Variants in FMNL2 observed in about 807,000 individuals in gnomAD.
The protein encoded by FMNL2 is formin-like protein 2.
In FMNL2, 51 loss-of-function variants were observed where a neutral mutation model predicts 130.2. The ratio of observed to expected loss-of-function variants is 0.39; its 90% CI spans 0.31 to 0.49. The LOEUF is 0.49. FMNL2 is among the 20% of genes least tolerant of loss of function. FMNL2 has a pLI of 0.85. For synonymous variants in FMNL2, 465 were observed against 467.1 expected (o/e 1.00, Z 0.06); for missense variants, 977 against 1,316.2 (o/e 0.74, Z 3.99).
At position 152,626,516 on chromosome 2, in the gene FMNL2, C is replaced by G; in HGVS notation, c.1963-9C>G. The G allele has an allele frequency of 6.3e-7, 1 of 1,590,200 alleles. No homozygotes were observed. Among genetic ancestry groups the G allele is most frequent in the South Asian group, 1.1e-5 (1 of 87,082 alleles). On this transcript the variant is annotated splice_polypyrimidine_tract_variant and intron_variant, in intron 16 of 25. Coordinates refer to ENST00000288670, the MANE Select transcript of FMNL2 (RefSeq NM_052905.4). ...TCCAATTTTCCATGGTCATTCCTCT[C>G]TATCTTAGGATTTAAATGTGGATGA... is the stretch of plus-strand genomic sequence containing the variant.
At position 152,560,894 on chromosome 2, in the gene FMNL2, A is replaced by C. The variant is rs760384643; in HGVS notation, c.455A>C (p.Glu152Ala). Residue 152 changes from glutamate to alanine, a missense_variant, in exon 6 of 26, where the codon GAA (glutamate) becomes GCA (alanine). Glu to Ala is a moderately radical substitution (Grantham distance 107). Coordinates refer to ENST00000288670, the MANE Select transcript of FMNL2 (RefSeq NM_052905.4). ...FAQYAVTFDFESVESTVESSV... is the reference protein window; with the variant it reads ...FAQYAVTFDFASVESTVESSV... Reference sequence around the variant, plus strand: ...CTCTTTTGTTTTAGTTTTGACTTTGAAAGTGTGGAGAGTACTGTGGAGAGC... The same window carrying C: ...CTCTTTTGTTTTAGTTTTGACTTTGCAAGTGTGGAGAGTACTGTGGAGAGC... 4.4e-6 allele frequency: 7 copies of C among 1,608,050 alleles called. No individual in the cohort carries two copies. In the African/African-American group the frequency reaches 8.0e-5, roughly 18 times the overall value.
chr2:152,433,075 A>G (rs1687581728), intron 1 of FMNL2, among the ~76,000 whole-genome samples: 1 of 152,190 alleles, frequency 6.6e-6, no homozygotes. Flanking sequence ...GTCATTTCCC[A>G]GAACTGATCC....
chr2:152,353,967 G>T (rs1033915948), intron 1 of FMNL2, among the ~76,000 whole-genome samples: 1 of 152,160 alleles, frequency 6.6e-6, no homozygotes, highest in South Asian at 2.1e-4. Flanking sequence ...CCATAAGATT[G>T]TACCTACTGA....
chr2:152,365,601 A>G (rs1354398434), intron 1 of FMNL2, among the ~76,000 whole-genome samples: 1 of 152,020 alleles, frequency 6.6e-6, no homozygotes, highest in Admixed American at 6.5e-5. Context: ...GTGAAACCCC[A>G]TCTCTACAAC....
intron 1 of FMNL2, among the ~76,000 whole-genome samples, chr2:152,370,680 C>T (rs1187607482): frequency 1.3e-5 from 2 of 152,116 alleles, no homozygotes; most frequent in South Asian, 4.1e-4. Context: ...TTACTTGAAC[C>T]TTTGTGAAGG....
rs1696626181 is a variant in FMNL2, at chr2:152,578,938, A to C, written c.756A>C (p.Ala252=). 6.2e-7 allele frequency: 1 copy of C among 1,613,486 alleles called. No homozygotes were observed. Among genetic ancestry groups the C allele is most frequent in the Admixed American group, 1.7e-5 (1 of 59,978 alleles). The part of the protein sequence containing the change: ...MSHPHAVNEI[A]LSLNNKNPRT... ...ATCCACACGCTGTCAATGAGATTGC[A>C]CTAAGCCTGAACAACAAGAATCCCA... Residue 252 remains alanine, a synonymous_variant, in exon 8 of 26, where the codon GCA becomes GCC. Transcript: ENST00000288670.
chr2:152,552,342 G>A (rs530177616), intron 4 of FMNL2, among the ~76,000 whole-genome samples: 1 of 152,246 alleles, frequency 6.6e-6, no homozygotes, highest in Non-Finnish European at 1.5e-5. Flanking sequence ...CTAAGGCAGA[G>A]AGTATTATCA....
At chr2:152,472,795 G>C (rs900688227) in intron 1 of FMNL2, among the ~76,000 whole-genome samples, 2 of 152,160 alleles carry the variant, frequency 1.3e-5, no homozygotes, top group African/African-American at 4.8e-5. Flanking sequence ...CAAGTAACTT[G>C]ACCTTTTTGA....
intron 1 of FMNL2, among the ~76,000 whole-genome samples, chr2:152,489,866 T>TA (rs1691044157): frequency 6.6e-6 from 1 of 152,092 alleles, no homozygotes; most frequent in African/African-American, 2.4e-5. Context: ...ATAGTTTTAA[T>TA]AAAAAAAATT....
chr2:152,624,233 C>T (rs1382031620), intron 15 of FMNL2, among the ~76,000 whole-genome samples: 1 of 151,286 alleles, frequency 6.6e-6, no homozygotes, highest in East Asian at 2.0e-4. Context: ...TCTCGGTGCA[C>T]TGCAACCTCT....
chr2:152,573,815 AT>A (rs780762982), intron 6 of FMNL2, among the ~76,000 whole-genome samples: 15 of 152,212 alleles, frequency 9.9e-5, no homozygotes, highest in African/African-American at 2.4e-4. Flanking sequence ...CAAGTTTCTC[AT>A]TTTTTTATTG....
chr2:152,582,769 C>G (rs1696865313), intron 9 of FMNL2, among the ~76,000 whole-genome samples: 2 of 152,140 alleles, frequency 1.3e-5, no homozygotes, highest in Non-Finnish European at 2.9e-5. Context: ...ACGCCCAAAT[C>G]TTTATCATTA....
chr2:152,458,997 T>A (rs1689099205), intron 1 of FMNL2, among the ~76,000 whole-genome samples: 1 of 152,216 alleles, frequency 6.6e-6, no homozygotes, highest in Admixed American at 6.5e-5. Flanking sequence ...AGAGAGTCAG[T>A]CTATGTCCCA....
intron 1 of FMNL2, among the ~76,000 whole-genome samples, chr2:152,438,897 A>G (rs945104642): frequency 2.0e-5 from 3 of 152,196 alleles, no homozygotes; most frequent in Admixed American, 6.5e-5. Context: ...TAAAAATGCC[A>G]TAATCATCAG....
At chr2:152,560,020 C>G (rs1695436580) in intron 5 of FMNL2, among the ~76,000 whole-genome samples, 1 of 152,150 alleles carries the variant, frequency 6.6e-6, no homozygotes, top group Non-Finnish European at 1.5e-5. Context: ...AAAAGTTACA[C>G]TTTGATTTCC....
intron 1 of FMNL2, among the ~76,000 whole-genome samples, chr2:152,367,632 A>G (rs755788383): frequency 5.9e-5 from 9 of 152,202 alleles, no homozygotes; most frequent in Non-Finnish European, 1.0e-4. Context: ...GTGTGAGGTC[A>G]TCTTGTCTCG....
chr2:152,424,193 G>A (rs1579630107), intron 1 of FMNL2, among the ~76,000 whole-genome samples: 1 of 152,124 alleles, frequency 6.6e-6, no homozygotes, highest in South Asian at 2.1e-4. Context: ...CCTGTCCTTA[G>A]GGCACAAAAA....
chr2:152,645,573 A>C (rs1408041759), intron 25 of FMNL2: 1 of 1,186,270 alleles, frequency 8.4e-7, no homozygotes, highest in African/African-American at 1.6e-5. Context: ...CTGTATGCAG[A>C]TCAATGGTTT....
chr2:152,399,091 G>A (rs575563719), intron 1 of FMNL2, among the ~76,000 whole-genome samples: 1 of 152,370 alleles, frequency 6.6e-6, no homozygotes, highest in African/African-American at 2.4e-5. Flanking sequence ...AATACTGGAT[G>A]TGTGATAAAC....
Sources: allele counts gnomAD v4.1 joint callset (sites outside exome capture counted in the v4.1 genomes callset), GRCh38; gene constraint gnomAD v4.1.1; transcripts MANE v1.5; gene names NCBI Gene and HGNC (gene_info 2026-07-23, HGNC 2026-07-21).